The following PTBP1 variants were observed in gnomAD, a reference collection of about 807,000 sequenced individuals.
PTBP1 encodes the protein polypyrimidine tract binding protein 1.
PTBP1 carries 8 observed loss-of-function variants against 59.8 expected under a neutral mutation model. That is an observed-to-expected ratio of 0.13 (90% confidence interval 0.08 to 0.24). PTBP1 has a LOEUF of 0.24. PTBP1 is among the 10% of genes least tolerant of loss of function. PTBP1 has a pLI of 1.00. For synonymous variants in PTBP1, 490 were observed against 320.7 expected, an observed-to-expected ratio of 1.53 and a Z score of -5.64; for missense variants, 686 against 767.0, an observed-to-expected ratio of 0.89 and a Z score of 1.25.
At position 808,512 on chromosome 19, in the gene PTBP1, C is replaced by A. The variant is rs778040853; in HGVS notation, c.1247-34C>A. ...CAGGGGCGGGGGCTGCGTTCCCTCT[C>A]GGGCGCCTGGTCACGCGGGTGCTGC... On this transcript the variant is annotated intron_variant, in intron 12 of 14. Transcript: ENST00000356948. This position sits in a 1 kb window ranked among gnomAD's most constrained non-coding sequence, Gnocchi z 4.7. The A allele has an allele frequency of 1.3e-6, 2 of 1,559,860 alleles. No homozygotes were observed. Among genetic ancestry groups the A allele is most frequent in the South Asian group, 1.2e-5 (1 of 85,054 alleles).
rs1268979042 is a variant in PTBP1 at position 810,632 on chromosome 19, G to C, written c.1541+12G>C. ...TTCAAGTTCTTCCAGTGAGTATGAG[G>C]CGGGCTGTCCCTGGCTCTCCCCAGG... On this transcript the variant is annotated intron_variant, in intron 14 of 14. Coordinates refer to ENST00000356948, the MANE Select transcript of PTBP1 (RefSeq NM_002819.5). 1 of 1,613,276 alleles carries C rather than the reference G, an allele frequency of 6.2e-7. No homozygotes were observed. Among genetic ancestry groups the C allele is most frequent in the Non-Finnish European group, 8.5e-7 (1 of 1,179,748 alleles).
intron 2 of PTBP1, among the ~76,000 whole-genome samples, chr19:801,125 C>T (rs926962664): frequency 5.9e-5 from 9 of 151,698 alleles, no homozygotes; most frequent in Non-Finnish European, 7.4e-5. Context: ...GTTAAAGACA[C>T]CTAGGAACTG....
In PTBP1 at chr19:811,947, C is replaced by A. The variant is rs1433728240; in HGVS notation, c.*1121C>A. 2 of 152,550 alleles carry A rather than the reference C, an allele frequency of 1.3e-5. No homozygotes were observed. Among genetic ancestry groups the A allele is most frequent in the Non-Finnish European group, 2.9e-5 (2 of 68,018 alleles). 9.4% of individuals were successfully genotyped at this position (152,550 alleles called of 1,614,324 possible). ...TCCTGTCTTCTCTGTGCTCTTTCTA[C>A]CGCCCCCGCGTCCTGTCCCGGGGGC... On this transcript the variant is annotated 3_prime_UTR_variant, in exon 15 of 15. Coordinates refer to ENST00000356948, the MANE Select transcript of PTBP1 (RefSeq NM_002819.5).
chr19:799,680 C>G lies in PTBP1; in HGVS notation c.39+237C>G, dbSNP rs146399447. Reference sequence around the variant, plus strand: ...CCTCAGGTCTGGAATCTGAGCTGCTCTTCGGTTCTTGCTGTCAGCAGCGAG... The same window carrying G: ...CCTCAGGTCTGGAATCTGAGCTGCTGTTCGGTTCTTGCTGTCAGCAGCGAG... On this transcript the variant is annotated intron_variant, in intron 2 of 14. Transcript: ENST00000356948. Among the ~76,000 whole-genome samples the G allele has an allele frequency of 9.3e-3, 1,412 of 152,314 alleles. 16 individuals are homozygous for G. Among genetic ancestry groups the G allele is most frequent in the African/African-American group, 0.032 (1,341 of 41,562 alleles).
At chr19:806,056 A>G (rs977534956) in intron 9 of PTBP1, 4 of 256,026 alleles carry the variant, frequency 1.6e-5, no homozygotes, top group African/African-American at 2.3e-5. Context: ...CCTCGTCTGC[A>G]TGGAGGCATG....
rs778669126 is a variant in PTBP1 at position 808,634 on chromosome 19, G to A, written c.1335G>A (p.Glu445=). 15 of 1,611,348 alleles carry A rather than the reference G, an allele frequency of 9.3e-6. No homozygotes were observed. The highest frequency in any genetic ancestry group is 1.3e-5 in the Non-Finnish European group (15 of 1,179,840). The change falls in exon 13 of 15, where the codon GAG becomes GAA. Residue 445 remains glutamate, a synonymous_variant. Transcript: ENST00000356948. The surrounding 1 kb of genome is among the most constrained non-coding windows in gnomAD (Gnocchi z 4.7). The stretch of plus-strand genomic sequence containing the variant: ...ACCAGAACGTGCAGCTGCCCCGCGA[G>A]GGCCAGGAGGACCAGGGCCTGACCA... The part of the protein sequence containing the change: ...SKHQNVQLPR[E]GQEDQGLTKD...
At position 808,341 on chromosome 19, in the gene PTBP1, C is replaced by T. The variant is rs991169308; in HGVS notation, c.1154-19C>T. The T allele has an allele frequency of 1.9e-6, 3 of 1,575,900 alleles. No individual in the cohort carries two copies. Among genetic ancestry groups the T allele is most frequent in the African/African-American group, 1.4e-5 (1 of 73,790 alleles). ...GGCAGGCAGCAGGAGACTCAGGCCC[C>T]ATCCCTGGGCTTTTGAAGGCGTCTA... On this transcript the variant is annotated intron_variant, in intron 11 of 14. Coordinates refer to ENST00000356948, the MANE Select transcript of PTBP1 (RefSeq NM_002819.5). This position sits in a 1 kb window ranked among gnomAD's most constrained non-coding sequence, Gnocchi z 4.7.
At chr19:806,637 G>C in intron 10 of PTBP1, 81 bp downstream of exon 10, 2 of 1,350,674 alleles carry the variant, frequency 1.5e-6, no homozygotes, top group Non-Finnish European at 1.9e-6. Context: ...GGGTCCCGGA[G>C]CAGCGCCGCC....
chr19:798,503 A>T (rs2145014271), intron 1 of PTBP1: 1 of 152,414 alleles, frequency 6.6e-6, no homozygotes, highest in Middle Eastern at 3.4e-3. Context: ...GAAGAGGCGC[A>T]GCCCTAGAGT....
At chr19:807,551 C>T in intron 10 of PTBP1, 1 of 372,204 alleles carries the variant, frequency 2.7e-6, no homozygotes, top group Non-Finnish European at 4.8e-6. Flanking sequence ...TTTCTTTTCT[C>T]CCCTTCCCCT....
chr19:803,114 G>A (rs1007249346), intron 2 of PTBP1, among the ~76,000 whole-genome samples: 1 of 152,200 alleles, frequency 6.6e-6, no homozygotes, highest in African/African-American at 2.4e-5. Context: ...AAGTGAGGAC[G>A]GCTGCCTGGG....
At chr19:801,246 G>A (rs1485354115) in intron 2 of PTBP1, among the ~76,000 whole-genome samples, 5 of 152,338 alleles carry the variant, frequency 3.3e-5, no homozygotes, top group Non-Finnish European at 7.4e-5. Context: ...GGCAGCTGCT[G>A]TGAAGGCAGT....
intron 1 of PTBP1, chr19:799,207 G>A: frequency 3.0e-6 from 2 of 658,720 alleles, no homozygotes. Context: ...GGACAATGGT[G>A]GCCCCTTTTC....
intron 1 of PTBP1, chr19:798,498 G>A (rs1210849764): frequency 1.3e-5 from 2 of 152,302 alleles, no homozygotes; most frequent in African/African-American, 4.8e-5. Flanking sequence ...TGTCAGAAGA[G>A]GCGCAGCCCT....
At chr19:806,383 C>T (rs984911036) in intron 9 of PTBP1, 25 bp from the exon 10 acceptor site, 6 of 1,586,220 alleles carry the variant, frequency 3.8e-6, no homozygotes, top group South Asian at 1.1e-5. Context: ...GGCGCCGCCG[C>T]TCATCTCACC....
intron 4 of PTBP1, 34 bp from the exon 5 acceptor site, chr19:804,258 G>T (rs201953514): frequency 5.6e-6 from 9 of 1,612,100 alleles, no homozygotes; most frequent in Non-Finnish European, 7.6e-6. Context: ...AGGCGGGGAC[G>T]AGGAGGGCCC....
At chr19:804,238 C>T in intron 4 of PTBP1, 30 bp downstream of exon 4, 1 of 1,609,722 alleles carries the variant, frequency 6.2e-7, no homozygotes, top group Non-Finnish European at 8.5e-7. Context: ...CCGGGGTGCT[C>T]ACACCGTGCA....
chr19:803,429 G>A, intron 2 of PTBP1, 132 bp from the exon 3 acceptor site: 2 of 724,822 alleles, frequency 2.8e-6, no homozygotes, highest in East Asian at 2.5e-5. Context: ...CCCTGCCGTG[G>A]AAGTGTGGGT....
In PTBP1 at chr19:798,372, G is replaced by A. The variant is rs2034176088; in HGVS notation, c.8+867G>A. On this transcript the variant is annotated intron_variant, in intron 1 of 14. Coordinates refer to ENST00000356948, the MANE Select transcript of PTBP1 (RefSeq NM_002819.5). Reference sequence around the variant, plus strand: ...GCTTCCTGCGCGAGGCCCTCCCTGGGAATAGGAAGCGGGAGAGGCTGGAGA... The same window carrying A: ...GCTTCCTGCGCGAGGCCCTCCCTGGAAATAGGAAGCGGGAGAGGCTGGAGA... 2.0e-5 allele frequency: 3 copies of A among 152,418 alleles called. No homozygotes were observed. The South Asian group carries it at 6.2e-4, about 32-fold the overall frequency. The allele number at this position is 152,418 out of a possible 1,614,324, so 9.4% of individuals were successfully genotyped here.
Sources: gnomAD v4.1 joint callset for allele counts (sites outside exome capture counted in the v4.1 genomes callset) on GRCh38, gnomAD v4.1.1 for gene constraint, Gnocchi (gnomAD v3.1) non-coding constraint, MANE v1.5 for transcripts, NCBI Gene and HGNC (gene_info 2026-07-23, HGNC 2026-07-21) for gene names.